The following TAB3 variants were observed in gnomAD, a reference collection of about 807,000 sequenced individuals.
TAB3 encodes the protein TGF-beta activated kinase 1 (MAP3K7) binding protein 3, also known as TGF-beta-activated kinase 1 and MAP3K7-binding protein 3.
A neutral mutation model predicts 48.1 loss-of-function variants in TAB3; 18 were observed. That is an observed-to-expected ratio of 0.37 (90% CI 0.26 to 0.55). TAB3 has a LOEUF of 0.55. Among genes scored for constraint, TAB3 ranks in the 20% least tolerant of loss-of-function variants. The pLI, the probability that TAB3 is intolerant of heterozygous loss-of-function variation, is 0.78. For missense variants in TAB3, 414 were observed against 549.8 expected (o/e 0.75, Z 2.47); for synonymous variants, 185 against 190.2 (o/e 0.97, Z 0.22).
rs1194316335 is a variant in TAB3 at position 30,834,301 on chromosome X, C to T, written c.1889-149G>A. On this transcript the variant is annotated intron_variant, in intron 9 of 10. Transcript: ENST00000288422. Reference sequence around the variant, plus strand: ...ATGTTACCTTTAGCAAGGGCAGGCACCATATTTAATACTGCTTTTACAACC... The same window carrying T: ...ATGTTACCTTTAGCAAGGGCAGGCATCATATTTAATACTGCTTTTACAACC... 1.3e-5 allele frequency: 6 copies of T among 475,249 alleles called. No individual in the cohort carries two copies. The Admixed American group carries it at 2.2e-4, about 17-fold the overall frequency. 39.2% of individuals were successfully genotyped at this position (475,249 alleles called of 1,213,427 possible).
intron 1 of TAB3, among the ~76,000 whole-genome samples, chrX:30,873,722 AT>A (rs1939738199): frequency 9.0e-6 from 1 of 111,442 alleles, no homozygotes; most frequent in South Asian, 3.7e-4. Flanking sequence ...TAGTAAATAT[AT>A]TTTTCTATGA....
At chrX:30,874,878 C>T (rs1401365089) in intron 1 of TAB3, among the ~76,000 whole-genome samples, 1 of 112,019 alleles carries the variant, frequency 8.9e-6, no homozygotes, top group Admixed American at 9.5e-5. Context: ...AAAGCAAAGA[C>T]GCATCTCTTT....
chrX:30,847,473 C>G lies in TAB3; in HGVS notation c.1711-829G>C, dbSNP rs191454109. Among the ~76,000 whole-genome samples the G allele has an allele frequency of 4.6e-3, 491 of 106,960 alleles. 3 individuals are homozygous for G. Among genetic ancestry groups the G allele is most frequent in the African/African-American group, 0.016 (465 of 29,682 alleles). The allele number at this position is 106,960 out of a possible 115,157, so 92.9% of individuals were successfully genotyped here. ...TGGAAGCCTTTACTTCCCATGTCAT[C>G]CTTAATTTCTTTATTTTTATATATA... On this transcript the variant is annotated intron_variant, in intron 7 of 10. Transcript: ENST00000288422.
At position 30,854,922 on chromosome X, in the gene TAB3, G is replaced by A. The variant is rs777860992; in HGVS notation, c.743C>T (p.Thr248Met). ...GCCCTGTGGTGAGGACTGCCACGGC[G>A]TACTCTGAGGAGTTTGTCTTCCTGA... ...SSSGRQTPQS[T>M]PWQSSPQGPV... Residue 248 changes from threonine to methionine, a missense_variant, in exon 6 of 11, where the codon ACG becomes ATG. Thr to Met is a moderately conservative substitution (Grantham distance 81). Transcript: ENST00000288422. The A allele has an allele frequency of 1.3e-4, 153 of 1,206,582 alleles. No individual in the cohort carries two copies. The highest frequency in any genetic ancestry group is 2.3e-4 in the Middle Eastern group (1 of 4,371).
intron 7 of TAB3, among the ~76,000 whole-genome samples, chrX:30,850,597 A>G (rs1420263352): frequency 3.7e-5 from 4 of 108,828 alleles, no homozygotes; most frequent in Non-Finnish European, 7.6e-5. Context: ...CTGTAATCGC[A>G]GCTACTCGGG....
chrX:30,841,955 C>T (rs1193540525), intron 9 of TAB3, among the ~76,000 whole-genome samples: 2 of 111,889 alleles, frequency 1.8e-5, no homozygotes, highest in Non-Finnish European at 3.8e-5. Context: ...ATTACAGGCG[C>T]GCGCCATCAG....
chrX:30,850,676 C>T (rs1400068335), intron 7 of TAB3, among the ~76,000 whole-genome samples: 2 of 105,617 alleles, frequency 1.9e-5, no homozygotes, highest in Non-Finnish European at 3.9e-5. Flanking sequence ...CACGCCATTG[C>T]ACTCCAGCCT....
chrX:30,855,368 T>C lies in TAB3; in HGVS notation c.297A>G (p.Val99=). The C allele has an allele frequency of 8.3e-7, 1 of 1,211,448 alleles. No individual in the cohort carries two copies. Among genetic ancestry groups the C allele is most frequent in the African/African-American group, 1.7e-5 (1 of 57,868 alleles). The part of the protein sequence containing the change: ...GAQLNGGRTL[V]HSSSDGHIDP... ...CAATATGTCCATCACTTGAGCTATG[T>C]ACCAGTGTTCGACCACCATTAAGTT... The change falls in exon 6 of 11, where the codon GTA becomes GTG. Residue 99 remains valine (V), a synonymous_variant. Coordinates refer to ENST00000288422, the MANE Select transcript of TAB3 (RefSeq NM_152787.5).
At chrX:30,854,052 T>C in intron 6 of TAB3, 64 bp downstream of exon 6, 1 of 1,085,779 alleles carries the variant, frequency 9.2e-7, no homozygotes, top group East Asian at 3.1e-5. Context: ...ACAGCTAATA[T>C]ATTTGAATGG....
intron 5 of TAB3, among the ~76,000 whole-genome samples, chrX:30,857,045 G>A (rs901166774): frequency 6.3e-5 from 7 of 111,749 alleles, no homozygotes; most frequent in Non-Finnish European, 1.3e-4. Context: ...TGAATTGGCT[G>A]TATTAAAACT....
chrX:30,887,878 C>T (rs1482423442), intron 1 of TAB3, among the ~76,000 whole-genome samples: 4 of 112,148 alleles, frequency 3.6e-5, no homozygotes, highest in Non-Finnish European at 7.5e-5. Flanking sequence ...TGAAGTCTTT[C>T]CCTTGATTAA....
intron 7 of TAB3, among the ~76,000 whole-genome samples, chrX:30,850,120 G>T (rs1285207630): frequency 9.0e-6 from 1 of 111,413 alleles, no homozygotes; most frequent in Non-Finnish European, 1.9e-5. Flanking sequence ...GATTCAAACT[G>T]GCACCTGACT....
intron 9 of TAB3, among the ~76,000 whole-genome samples, chrX:30,841,564 G>A (rs1300632853): frequency 9.1e-6 from 1 of 110,297 alleles, no homozygotes; most frequent in East Asian, 2.8e-4. Context: ...AATATACGTA[G>A]AAAACTATTC....
chrX:30,855,812 C>T (rs1321229256), intron 5 of TAB3, among the ~76,000 whole-genome samples: 1 of 111,926 alleles, frequency 8.9e-6, no homozygotes, highest in Non-Finnish European at 1.9e-5. Context: ...ATGTAAAGTA[C>T]CTACTAATGA....
intron 6 of TAB3, 32 bp from the exon 7 acceptor site, chrX:30,852,970 A>T: frequency 8.4e-7 from 1 of 1,186,287 alleles, no homozygotes; most frequent in Non-Finnish European, 1.1e-6. Context: ...CATTGCAGAG[A>T]ACAACATTGA....
At chrX:30,888,697 C>A (rs1649263074) in intron 1 of TAB3, among the ~76,000 whole-genome samples, 1 of 112,909 alleles carries the variant, frequency 8.9e-6, no homozygotes, top group Non-Finnish European at 1.9e-5. Context: ...CTCTCAACAC[C>A]CTCAACGGCC....
chrX:30,887,663 T>C (rs1333675980), intron 1 of TAB3, among the ~76,000 whole-genome samples: 1 of 112,324 alleles, frequency 8.9e-6, no homozygotes, highest in African/African-American at 3.2e-5. Context: ...ATCTTTAGCA[T>C]AGGGTAGCTG....
intron 1 of TAB3, among the ~76,000 whole-genome samples, chrX:30,878,947 A>G (rs1939922730): frequency 8.9e-6 from 1 of 112,015 alleles, no homozygotes; most frequent in African/African-American, 3.2e-5. Context: ...GATGCAGGTA[A>G]AGCAATACTT....
intron 9 of TAB3, among the ~76,000 whole-genome samples, chrX:30,840,605 T>C (rs985039255): frequency 3.6e-5 from 4 of 111,245 alleles, no homozygotes; most frequent in Non-Finnish European, 7.5e-5. Flanking sequence ...GGTCTTGTGA[T>C]AGTAAGTCTC....
Sources: gnomAD v4.1 joint callset for allele counts (sites outside exome capture counted in the v4.1 genomes callset) on GRCh38, gnomAD v4.1.1 for gene constraint, MANE v1.5 for transcripts, NCBI Gene and HGNC (gene_info 2026-07-23, HGNC 2026-07-21) for gene names.